EIF3E: variants seen among roughly 807,000 people sequenced by gnomAD.
EIF3E encodes eukaryotic translation initiation factor 3 subunit E.
In EIF3E, 25 loss-of-function variants were observed where a neutral mutation model predicts 59.3. The ratio of observed to expected loss-of-function variants is 0.42; its 90% CI spans 0.31 to 0.59. The LOEUF (loss-of-function observed/expected upper bound fraction) is 0.59, where lower values mean the gene tolerates loss of function less well. Ranked by LOEUF, EIF3E falls within the 20% of genes least tolerant of loss-of-function variation. The probability of loss-of-function intolerance (pLI) is 0.15; values close to 1 mark genes in which losing one functional copy is unlikely to be tolerated. For missense variants in EIF3E, 317 were observed against 534.3 expected (o/e 0.59, Z 4.01); for synonymous variants, 176 against 170.2 (o/e 1.03, Z -0.26).
At chr8:108,232,623 T>C (rs28416587) in intron 5 of EIF3E, among the ~76,000 whole-genome samples, 7,281 of 152,260 alleles carry the variant, frequency 0.048, 331 homozygotes, top group African/African-American at 0.12. Context: ...AATATAATAC[T>C]ATTAACACTA....
At chr8:108,228,477 A>C in intron 6 of EIF3E, 86 bp from the exon 7 acceptor site, 7 of 1,101,682 alleles carry the variant, frequency 6.4e-6, no homozygotes, top group Non-Finnish European at 8.3e-6. Flanking sequence ...TCAAAACTGT[A>C]ATTAAAAATG....
At chr8:108,224,761 A>G (rs570507067) in intron 7 of EIF3E, among the ~76,000 whole-genome samples, 1 of 151,524 alleles carries the variant, frequency 6.6e-6, no homozygotes, top group South Asian at 2.1e-4. Context: ...TGTGATGGTT[A>G]TATCACTCAG....
intron 1 of EIF3E, 148 bp downstream of exon 1, chr8:108,248,465 A>C: frequency 1.4e-6 from 1 of 718,864 alleles, no homozygotes; most frequent in Non-Finnish European, 2.4e-6. Context: ...ACGACGCTAA[A>C]CTACCAGAAG....
At chr8:108,232,291 G>C (rs1252101002) in intron 5 of EIF3E, among the ~76,000 whole-genome samples, 2 of 152,070 alleles carry the variant, frequency 1.3e-5, no homozygotes, top group African/African-American at 4.8e-5. Context: ...GGCTCAGACA[G>C]GACAAAAATT....
chr8:108,228,231 T>C (rs1277212453), intron 7 of EIF3E, 36 bp downstream of exon 7: 12 of 1,535,384 alleles, frequency 7.8e-6, no homozygotes, highest in Admixed American at 2.1e-5. Context: ...TAATTTTATC[T>C]AAACAAAGCC....
At chr8:108,208,116 C>G (rs193248275) in intron 10 of EIF3E, among the ~76,000 whole-genome samples, 82 of 152,236 alleles carry the variant, frequency 5.4e-4, no homozygotes, top group African/African-American at 1.9e-3. Context: ...TTTCTAAACC[C>G]TCCCATAGCC....
chr8:108,225,200 A>T (rs1815496123), intron 7 of EIF3E, among the ~76,000 whole-genome samples: 1 of 151,592 alleles, frequency 6.6e-6, no homozygotes, highest in African/African-American at 2.4e-5. Flanking sequence ...TTTGCCAGAC[A>T]TTTTCTAGAA....
intron 7 of EIF3E, among the ~76,000 whole-genome samples, chr8:108,224,034 G>A (rs982073077): frequency 2.0e-5 from 3 of 150,586 alleles, no homozygotes; most frequent in Non-Finnish European, 2.9e-5. Context: ...TGGCTAACAC[G>A]GTGAAACCCA....
At chr8:108,229,870 C>A (rs1325605021) in intron 5 of EIF3E, among the ~76,000 whole-genome samples, 1 of 152,028 alleles carries the variant, frequency 6.6e-6, no homozygotes, top group South Asian at 2.1e-4. Context: ...ATCATGAAAC[C>A]TATAAATTTT....
At chr8:108,209,948 T>C (rs2129851134) in intron 10 of EIF3E, among the ~76,000 whole-genome samples, 1 of 152,220 alleles carries the variant, frequency 6.6e-6, no homozygotes, top group Non-Finnish European at 1.5e-5. Context: ...TTTTGCAAGA[T>C]GTTACTAATG....
At chr8:108,231,599 G>C (rs1217583538) in intron 5 of EIF3E, among the ~76,000 whole-genome samples, 1 of 152,016 alleles carries the variant, frequency 6.6e-6, no homozygotes, top group Non-Finnish European at 1.5e-5. Flanking sequence ...TTATTTCAAA[G>C]AGCTGCTGAA....
chr8:108,241,711 T>C (rs1303408845), intron 2 of EIF3E, 88 bp downstream of exon 2: 2 of 685,196 alleles, frequency 2.9e-6, no homozygotes, highest in East Asian at 5.8e-5. Flanking sequence ...TTAAGCCTTT[T>C]GGCTAAAGCT....
chr8:108,224,475 T>C (rs1815481994), intron 7 of EIF3E, among the ~76,000 whole-genome samples: 1 of 151,394 alleles, frequency 6.6e-6, no homozygotes, highest in Non-Finnish European at 1.5e-5. Flanking sequence ...GGTGAAACAA[T>C]GATCTGTCAA....
chr8:108,215,446 G>A (rs944811627), intron 9 of EIF3E, among the ~76,000 whole-genome samples: 1 of 151,908 alleles, frequency 6.6e-6, no homozygotes, highest in African/African-American at 2.4e-5. Context: ...GTGAAACCCT[G>A]TCTCTACTAA....
intron 3 of EIF3E, 83 bp downstream of exon 3, chr8:108,239,875 G>A (rs1261686662): frequency 1.8e-6 from 2 of 1,094,012 alleles, no homozygotes; most frequent in Non-Finnish European, 2.8e-6. Flanking sequence ...CTTTTACTAT[G>A]GGATACTGGA....
At chr8:108,245,455 C>T (rs1167037767) in intron 1 of EIF3E, among the ~76,000 whole-genome samples, 2 of 152,128 alleles carry the variant, frequency 1.3e-5, no homozygotes, top group African/African-American at 4.8e-5. Flanking sequence ...GGTGACAAAG[C>T]GAGACCCTGT....
At chr8:108,227,440 T>C (rs1815536920) in intron 7 of EIF3E, 1 of 152,224 alleles carries the variant, frequency 6.6e-6, no homozygotes, top group South Asian at 2.1e-4. Context: ...AGTAAAAGCA[T>C]ACATACAAGT....
intron 10 of EIF3E, among the ~76,000 whole-genome samples, chr8:108,203,732 G>A (rs527913262): frequency 2.0e-5 from 3 of 152,142 alleles, no homozygotes; most frequent in East Asian, 1.9e-4. Context: ...ATCCTTGAGG[G>A]TAGGGTAACA....
At chr8:108,209,913 T>A (rs1815175219) in intron 10 of EIF3E, among the ~76,000 whole-genome samples, 1 of 152,136 alleles carries the variant, frequency 6.6e-6, no homozygotes, top group African/African-American at 2.4e-5. Flanking sequence ...AACATCAACA[T>A]CCTGGCTGCT....
Sources: allele counts gnomAD v4.1 joint callset (sites outside exome capture counted in the v4.1 genomes callset), GRCh38; gene constraint gnomAD v4.1.1; transcripts MANE v1.5; gene names NCBI Gene and HGNC (gene_info 2026-07-23, HGNC 2026-07-21).